Variants in BMPER observed in about 807,000 individuals in gnomAD.
BMPER encodes BMP-binding endothelial regulator protein.
Under a neutral mutation model 87.3 loss-of-function variants are expected in BMPER, and 45 were observed. The observed-to-expected ratio is 0.52, with a 90% CI of 0.41 to 0.66. The LOEUF (loss-of-function observed/expected upper bound fraction) is 0.66, where lower values mean the gene tolerates loss of function less well. Ranked by LOEUF, BMPER falls within the 30% of genes least tolerant of loss-of-function variation. The pLI, the probability that BMPER is intolerant of heterozygous loss-of-function variation, is 0.00. For missense variants in BMPER, 784 were observed against 867.5 expected, an observed-to-expected ratio of 0.90 and a Z score of 1.21; for synonymous variants, 326 against 316.2, an observed-to-expected ratio of 1.03 and a Z score of -0.33.
chr7:33,959,057 C>T (rs1368484858), intron 3 of BMPER, among the ~76,000 whole-genome samples: 2 of 152,170 alleles, frequency 1.3e-5, no homozygotes, highest in Non-Finnish European at 2.9e-5. Context: ...CTTCCTTCAT[C>T]TTCCACCATA....
intron 7 of BMPER, among the ~76,000 whole-genome samples, chr7:34,048,939 A>G (rs1200895118): frequency 1.3e-5 from 2 of 152,190 alleles, no homozygotes; most frequent in African/African-American, 2.4e-5. Context: ...GAGGGTAAAA[A>G]CAAACATCCC....
At chr7:33,975,227 G>A (rs1785654528) in intron 6 of BMPER, among the ~76,000 whole-genome samples, 1 of 152,138 alleles carries the variant, frequency 6.6e-6, no homozygotes, top group Admixed American at 6.5e-5. Context: ...AGGGGCTGAG[G>A]ACCTTCTTGC....
chr7:34,029,669 A>T (rs1787472856), intron 6 of BMPER, among the ~76,000 whole-genome samples: 1 of 152,028 alleles, frequency 6.6e-6, no homozygotes, highest in Non-Finnish European at 1.5e-5. Context: ...TCTATAAGGG[A>T]TCTATTTGTT....
chr7:33,967,255 ATT>A (rs1562657666), intron 4 of BMPER, among the ~76,000 whole-genome samples: 1 of 152,212 alleles, frequency 6.6e-6, no homozygotes, highest in South Asian at 2.1e-4. Context: ...TGCTCATCTA[ATT>A]TTGACAAAAC....
chr7:34,014,886 T>C (rs1204607227), intron 6 of BMPER, among the ~76,000 whole-genome samples: 2 of 151,952 alleles, frequency 1.3e-5, no homozygotes, highest in African/African-American at 4.8e-5. Context: ...TGGCATATTT[T>C]TAGTGTTTCC....
At chr7:34,119,382 T>A (rs1790205141) in intron 13 of BMPER, among the ~76,000 whole-genome samples, 1 of 152,214 alleles carries the variant, frequency 6.6e-6, no homozygotes, top group South Asian at 2.1e-4. Context: ...TTTTGTATTC[T>A]GCTTTTTCTC....
chr7:34,073,749 A>G (rs1788793386), intron 11 of BMPER, among the ~76,000 whole-genome samples: 1 of 152,252 alleles, frequency 6.6e-6, no homozygotes, highest in African/African-American at 2.4e-5. Flanking sequence ...ACTACAAGAT[A>G]GAGTATTTGA....
At chr7:33,966,680 T>G in intron 4 of BMPER, 119 bp downstream of exon 4, 1 of 942,600 alleles carries the variant, frequency 1.1e-6, no homozygotes. Flanking sequence ...AAAAAAACAA[T>G]GAAAAAGCAA....
At chr7:33,981,381 G>C (rs1409564923) in intron 6 of BMPER, among the ~76,000 whole-genome samples, 1 of 152,064 alleles carries the variant, frequency 6.6e-6, no homozygotes, top group East Asian at 1.9e-4. Context: ...TACCTAGACA[G>C]TCTCCGCCCA....
chr7:34,072,038 G>GT (rs934136443), intron 11 of BMPER, among the ~76,000 whole-genome samples: 7 of 152,140 alleles, frequency 4.6e-5, no homozygotes, highest in Admixed American at 4.6e-4. Context: ...AGTGTCTTGG[G>GT]TTGGATTCCG....
At chr7:33,955,306 T>C (rs576693228) in intron 3 of BMPER, among the ~76,000 whole-genome samples, 25 of 152,342 alleles carry the variant, frequency 1.6e-4, no homozygotes, top group African/African-American at 6.0e-4. Flanking sequence ...TCTCATGGCA[T>C]GAAAGCAGAG....
intron 13 of BMPER, among the ~76,000 whole-genome samples, chr7:34,134,122 C>A (rs1790660289): frequency 6.6e-6 from 1 of 152,098 alleles, no homozygotes; most frequent in Non-Finnish European, 1.5e-5. Context: ...ATGCACTCAC[C>A]CTTCTTGGCA....
At chr7:33,907,701 A>G (rs1783856714) in intron 2 of BMPER, among the ~76,000 whole-genome samples, 1 of 152,242 alleles carries the variant, frequency 6.6e-6, no homozygotes, top group Admixed American at 6.5e-5. Context: ...TTACATGCCA[A>G]TCACTTTTGG....
intron 13 of BMPER, among the ~76,000 whole-genome samples, chr7:34,087,866 G>T (rs931980998): frequency 1.3e-5 from 2 of 152,186 alleles, no homozygotes; most frequent in Non-Finnish European, 2.9e-5. Flanking sequence ...GAAGAGATTA[G>T]TTTCTTTTTT....
intron 13 of BMPER, among the ~76,000 whole-genome samples, chr7:34,116,024 T>G (rs1479439725): frequency 6.6e-6 from 1 of 152,238 alleles, no homozygotes; most frequent in Non-Finnish European, 1.5e-5. Context: ...AAGTGGTATT[T>G]TATTATAGTT....
intron 10 of BMPER, 43 bp from the exon 11 acceptor site, chr7:34,061,959 T>G (rs1330550130): frequency 1.3e-6 from 2 of 1,501,510 alleles, no homozygotes; most frequent in Non-Finnish European, 1.8e-6. Context: ...TGTTTTTTTT[T>G]TTTTTTAAAC....
chr7:34,045,591 A>G (rs889294673), intron 6 of BMPER, among the ~76,000 whole-genome samples: 2 of 152,350 alleles, frequency 1.3e-5, no homozygotes, highest in Middle Eastern at 3.4e-3. Context: ...AGACTCTGCC[A>G]GTTCGTCTCA....
At chr7:34,083,858 A>G (rs1291120962) in intron 12 of BMPER, among the ~76,000 whole-genome samples, 1 of 151,778 alleles carries the variant, frequency 6.6e-6, no homozygotes, top group Non-Finnish European at 1.5e-5. Flanking sequence ...TCATCTTCCA[A>G]CTTCTGAACA....
chr7:34,037,682 A>G (rs899435466), intron 6 of BMPER, among the ~76,000 whole-genome samples: 1 of 152,194 alleles, frequency 6.6e-6, no homozygotes. Flanking sequence ...CCTGTTGGCA[A>G]CAAAGACAGT....
Sources: allele counts gnomAD v4.1 joint callset (sites outside exome capture counted in the v4.1 genomes callset), GRCh38; gene constraint gnomAD v4.1.1; transcripts MANE v1.5; gene names NCBI Gene and HGNC (gene_info 2026-07-23, HGNC 2026-07-21).